Variants in LNX1 observed in about 807,000 individuals in gnomAD.
LNX1 encodes the protein E3 ubiquitin-protein ligase LNX.
LNX1 carries 54 observed loss-of-function variants against 68.4 expected under a neutral mutation model. The observed-to-expected ratio is 0.79, with a 90% CI of 0.63 to 0.99. The LOEUF (loss-of-function observed/expected upper bound fraction) is 0.99. Among genes scored for constraint, LNX1 ranks in the 50% least tolerant of loss-of-function variants. The pLI, the probability that LNX1 is intolerant of heterozygous loss-of-function variation, is 0.00. For synonymous variants in LNX1, 336 were observed against 350.0 expected (o/e 0.96, Z 0.45); for missense variants, 906 against 926.4 (o/e 0.98, Z 0.29).
intron 1 of LNX1, among the ~76,000 whole-genome samples, chr4:53,588,432 G>T (rs1254971580): frequency 2.0e-5 from 3 of 152,160 alleles, no homozygotes; most frequent in African/African-American, 7.2e-5. Context: ...TCTGTCCCAG[G>T]TCACACAGGT....
chr4:53,583,972 A>AACG (rs370738649), intron 1 of LNX1, among the ~76,000 whole-genome samples: 1,844 of 144,630 alleles, frequency 0.013, 95 homozygotes, highest in Middle Eastern at 0.026. Context: ...CAACAACAAC[A>AACG]ACGACAAATG....
chr4:53,547,918 A>AG (rs34352093), intron 2 of LNX1, among the ~76,000 whole-genome samples: 36,891 of 151,926 alleles, frequency 0.24, 5,049 homozygotes, highest in Non-Finnish European at 0.31. Context: ...AGAACCTGAC[A>AG]GGGACCTACC....
At chr4:53,560,277 T>C (rs1226853131) in intron 2 of LNX1, among the ~76,000 whole-genome samples, 2 of 152,244 alleles carry the variant, frequency 1.3e-5, no homozygotes, top group Non-Finnish European at 2.9e-5. Flanking sequence ...TGACATTTGA[T>C]ACATCTTTTA....
Position 53,496,188 on chromosome 4 carries a change from T to G in LNX1, c.1185A>C (p.Ile395=), listed in dbSNP as rs762446017. ...GCTCATCCACCTTGCGCACCAGTTTTATTCCAAGCTGCTCCTCGGGGCTAC... is the reference window on the plus strand; with the variant it reads ...GCTCATCCACCTTGCGCACCAGTTTGATTCCAAGCTGCTCCTCGGGGCTAC... ...NKSSPEEQLG[I]KLVRKVDEPG... Residue 395 remains isoleucine, a synonymous_variant, in exon 6 of 11, where the codon ATA becomes ATC. Transcript: ENST00000263925. 6.2e-7 allele frequency: 1 copy of G among 1,614,146 alleles called. No individual in the cohort carries two copies.
chr4:53,515,935 T>C (rs1726743755), intron 2 of LNX1, among the ~76,000 whole-genome samples: 1 of 152,190 alleles, frequency 6.6e-6, no homozygotes, highest in African/African-American at 2.4e-5. Context: ...GGCACAGTGT[T>C]TATTTACCAT....
intron 5 of LNX1, among the ~76,000 whole-genome samples, chr4:53,497,252 C>T (rs1725132448): frequency 6.6e-6 from 1 of 152,182 alleles, no homozygotes; most frequent in South Asian, 2.1e-4. Flanking sequence ...CCAGAGCCCC[C>T]TATGTTGGAA....
intron 6 of LNX1, among the ~76,000 whole-genome samples, chr4:53,486,196 G>A (rs927588795): frequency 4.6e-5 from 7 of 152,020 alleles, no homozygotes; most frequent in East Asian, 3.9e-4. Flanking sequence ...TCCGCCCTGC[G>A]CCAGTTCACC....
chr4:53,459,672 C>T lies in LNX1; in HGVS notation c.*1235G>A, dbSNP rs1721403939. ...TAAAAAGACAGCAATGACTTTATATCCAAGAAAGGAATGTGAATGAGTCAC... is the reference window on the plus strand; with the variant it reads ...TAAAAAGACAGCAATGACTTTATATTCAAGAAAGGAATGTGAATGAGTCAC... On this transcript the variant is annotated 3_prime_UTR_variant, in exon 11 of 11. Coordinates refer to ENST00000263925, the MANE Select transcript of LNX1 (RefSeq NM_001126328.3). 2 of 583,322 alleles carry T rather than the reference C, an allele frequency of 3.4e-6. No individual in the cohort carries two copies. The highest frequency in any genetic ancestry group is 3.2e-5 in the Admixed American group (1 of 31,272). 36.1% of individuals were successfully genotyped at this position (583,322 alleles called of 1,614,324 possible). A position where few individuals can be genotyped will look rare whatever the true frequency, so the allele number is the denominator to read the frequency against.
intron 2 of LNX1, among the ~76,000 whole-genome samples, chr4:53,530,858 C>T (rs1425209528): frequency 6.6e-6 from 1 of 152,036 alleles, no homozygotes; most frequent in Non-Finnish European, 1.5e-5. Flanking sequence ...GGAGGGGGTA[C>T]AGGGAATTAA....
chr4:53,535,832 G>C (rs372348409), intron 2 of LNX1, among the ~76,000 whole-genome samples: 5 of 152,270 alleles, frequency 3.3e-5, no homozygotes, highest in African/African-American at 2.4e-5. Context: ...CACAGTTCAT[G>C]AGCATGTCGG....
At chr4:53,608,797 A>G (rs895110484) in intron 2 of LNX1, among the ~76,000 whole-genome samples, 1 of 152,154 alleles carries the variant, frequency 6.6e-6, no homozygotes, top group Non-Finnish European at 1.5e-5. Flanking sequence ...GAATGAGATC[A>G]TGTTCTTTGC....
chr4:53,462,841 T>C (rs1417576803), intron 9 of LNX1, among the ~76,000 whole-genome samples: 4 of 152,178 alleles, frequency 2.6e-5, no homozygotes, highest in African/African-American at 9.6e-5. Flanking sequence ...ATTTATCTGC[T>C]GCATTTCACA....
rs568457041 is a variant in LNX1 at position 53,517,802 on chromosome 4, G to A, written c.381-9575C>T. Reference sequence around the variant, plus strand: ...ATGGAAAAAAGTTATGAGCATTTTTGCGTAGTCAGAGGTGAACTGAATATC... The same window carrying A: ...ATGGAAAAAAGTTATGAGCATTTTTACGTAGTCAGAGGTGAACTGAATATC... On this transcript the variant is annotated intron_variant, in intron 2 of 10. Coordinates refer to ENST00000263925, the MANE Select transcript of LNX1 (RefSeq NM_001126328.3). Among the ~76,000 whole-genome samples the A allele has an allele frequency of 7.2e-5, 11 of 152,306 alleles. No homozygotes were observed. The East Asian group carries it at 2.1e-3, about 29-fold the overall frequency.
At position 53,461,519 on chromosome 4, in the gene LNX1, C is replaced by A; in HGVS notation, c.1967G>T (p.Gly656Val). The change falls in exon 10 of 11, where the codon GGT becomes GTT. Residue 656 changes from glycine to valine, a missense_variant. Transcript: ENST00000263925. ...AGSLGFCIVG[G>V]YEEYNGNKPF... ...TTTGTTTCCATTGTATTCTTCATAACCTCCTACAATGCAGAAGCCCAGACT... is the reference window on the plus strand; with the variant it reads ...TTTGTTTCCATTGTATTCTTCATAAACTCCTACAATGCAGAAGCCCAGACT... 1.2e-6 allele frequency: 2 copies of A among 1,611,586 alleles called. No homozygotes were observed. Among genetic ancestry groups the A allele is most frequent in the Non-Finnish European group, 1.7e-6 (2 of 1,178,076 alleles).
chr4:53,474,183 G>C (rs1056213764), intron 9 of LNX1, among the ~76,000 whole-genome samples: 2 of 152,232 alleles, frequency 1.3e-5, no homozygotes, highest in Non-Finnish European at 2.9e-5. Flanking sequence ...CGATGGTGCA[G>C]TGCCTATCAT....
At position 53,647,486 on chromosome 4, in the gene LNX1, A is replaced by G. The variant is rs539249144; in HGVS notation, c.-215+4682T>C. ...TGGAGAATATGACCAATTTCTAACC[A>G]AGAGATATTTTTCTGTATATATTTA... On this transcript the variant is annotated intron_variant, in intron 1 of 2. Coordinates refer to the LNX1 transcript ENST00000507168. Among the ~76,000 whole-genome samples, 6 of 152,272 alleles carry G rather than the reference A, an allele frequency of 3.9e-5. No individual in the cohort carries two copies. The South Asian group carries it at 1.2e-3, about 32-fold the overall frequency.
chr4:53,613,412 A>C (rs1246679098), intron 2 of LNX1, among the ~76,000 whole-genome samples: 1 of 152,014 alleles, frequency 6.6e-6, no homozygotes, highest in African/African-American at 2.4e-5. Context: ...TTACATAGTA[A>C]ACATGTGTCA....
intron 1 of LNX1, among the ~76,000 whole-genome samples, chr4:53,628,549 C>T (rs1391021303): frequency 6.6e-6 from 1 of 152,136 alleles, no homozygotes; most frequent in Non-Finnish European, 1.5e-5. Context: ...AGCACAACCT[C>T]TATAGAAAAC....
At chr4:53,588,933 G>A (rs1239974075) in intron 1 of LNX1, among the ~76,000 whole-genome samples, 2 of 152,140 alleles carry the variant, frequency 1.3e-5, no homozygotes, top group Admixed American at 6.5e-5. Context: ...GCATGACAAG[G>A]CCAATCACAT....
Sources: gnomAD v4.1 joint callset for allele counts (sites outside exome capture counted in the v4.1 genomes callset) on GRCh38, gnomAD v4.1.1 for gene constraint, MANE v1.5 for transcripts, NCBI Gene and HGNC (gene_info 2026-07-23, HGNC 2026-07-21) for gene names.